SLC24A3: variants seen among roughly 807,000 people sequenced by gnomAD.
The protein encoded by SLC24A3 is sodium/potassium/calcium exchanger 3.
Under a neutral mutation model 75.8 loss-of-function variants are expected in SLC24A3, and 28 were observed. That is an observed-to-expected ratio of 0.37 (90% CI 0.27 to 0.51). The LOEUF is 0.51. SLC24A3 is among the 20% of genes least tolerant of loss of function. The pLI is 0.94. For missense variants in SLC24A3, 663 were observed against 847.8 expected (o/e 0.78, Z 2.71); for synonymous variants, 372 against 334.1 (o/e 1.11, Z -1.24).
At chr20:19,247,283 GT>G (rs1982522218) in intron 1 of SLC24A3, among the ~76,000 whole-genome samples, 1 of 152,122 alleles carries the variant, frequency 6.6e-6, no homozygotes, top group South Asian at 2.1e-4. Context: ...AGAATTCTGT[GT>G]GCAAATTATG....
chr20:19,312,414 A>G (rs1984479746), intron 2 of SLC24A3, among the ~76,000 whole-genome samples: 1 of 152,210 alleles, frequency 6.6e-6, no homozygotes. Context: ...TTGAAGAATC[A>G]TTTAAGAATG....
At chr20:19,703,754 T>C (rs767221364) in intron 15 of SLC24A3, among the ~76,000 whole-genome samples, 5 of 152,254 alleles carry the variant, frequency 3.3e-5, no homozygotes, top group Non-Finnish European at 7.3e-5. Context: ...TGACTAATAA[T>C]GTTAGATCAA....
intron 2 of SLC24A3, among the ~76,000 whole-genome samples, chr20:19,320,594 A>G (rs557875338): frequency 1.3e-5 from 2 of 152,230 alleles, no homozygotes; most frequent in Admixed American, 1.3e-4. Flanking sequence ...TGCATGTTAC[A>G]TTACGTTACA....
chr20:19,471,909 A>G (rs1987879804), intron 2 of SLC24A3, among the ~76,000 whole-genome samples: 1 of 152,232 alleles, frequency 6.6e-6, no homozygotes, highest in Non-Finnish European at 1.5e-5. Context: ...GAAAATATGA[A>G]AGTAATAGTC....
intron 9 of SLC24A3, among the ~76,000 whole-genome samples, chr20:19,675,041 C>G (rs2032508162): frequency 6.6e-6 from 1 of 152,148 alleles, no homozygotes; most frequent in Non-Finnish European, 1.5e-5. Context: ...GAGCGAGACT[C>G]CATCTCATTA....
At chr20:19,483,034 A>G (rs1338781661) in intron 2 of SLC24A3, among the ~76,000 whole-genome samples, 3 of 152,196 alleles carry the variant, frequency 2.0e-5, no homozygotes, top group Non-Finnish European at 1.5e-5. Flanking sequence ...GTGACAACAC[A>G]CTTTCTATCT....
chr20:19,393,570 C>T (rs547863421), intron 2 of SLC24A3, among the ~76,000 whole-genome samples: 35 of 152,032 alleles, frequency 2.3e-4, no homozygotes, highest in African/African-American at 8.2e-4. Context: ...AATGAATAAG[C>T]TGAAAATGAA....
chr20:19,335,153 C>A (rs1488977816), intron 2 of SLC24A3, among the ~76,000 whole-genome samples: 1 of 152,146 alleles, frequency 6.6e-6, no homozygotes, highest in Non-Finnish European at 1.5e-5. Context: ...CGGTTATTGG[C>A]TACCATCATG....
rs1034805492 is a variant in SLC24A3, at chr20:19,325,722, A to G, written c.271+44635A>G. Among the ~76,000 whole-genome samples, 77 of 61,528 alleles carry G rather than the reference A, an allele frequency of 1.3e-3. 2 individuals are homozygous for G. The highest frequency in any genetic ancestry group is 2.4e-3 in the Non-Finnish European group (69 of 28,478). 40.4% of individuals were successfully genotyped at this position (61,528 alleles called of 152,430 possible). The stretch of plus-strand genomic sequence containing the variant: ...GATTTTGGAATATTTGCAAATATGC[A>G]TATATATATATGTGTGTGTGTGTGT... On this transcript the variant is annotated intron_variant, in intron 2 of 16. Transcript: ENST00000328041.
Position 19,722,237 on chromosome 20 carries a change from C to T in SLC24A3, c.*1097C>T, listed in dbSNP as rs907128394. On this transcript the variant is annotated 3_prime_UTR_variant, in exon 17 of 17. Transcript: ENST00000328041. ...TTTGCACAGACGTCGTCAATTAAGT[C>T]CCAATTTGCCACTTGGTATTGAGTA... 1.3e-5 allele frequency: 2 copies of T among 152,666 alleles called. No homozygotes were observed. The highest frequency in any genetic ancestry group is 4.8e-5 in the African/African-American group (2 of 41,444). 9.5% of individuals were successfully genotyped at this position (152,666 alleles called of 1,614,324 possible).
At chr20:19,261,812 G>A (rs1032675650) in intron 1 of SLC24A3, 4 of 152,212 alleles carry the variant, frequency 2.6e-5, no homozygotes, top group Admixed American at 2.6e-4. Context: ...TGTTTCTCAT[G>A]ACAATGCTTA....
In SLC24A3 at chr20:19,676,154, G is replaced by A. The variant is rs573301187; in HGVS notation, c.767+2500G>A. Among the ~76,000 whole-genome samples, 18 of 152,344 alleles carry A rather than the reference G, an allele frequency of 1.2e-4. No individual in the cohort carries two copies. In the East Asian group the frequency reaches 3.3e-3, roughly 28 times the overall value. On this transcript the variant is annotated intron_variant, in intron 9 of 16. Transcript: ENST00000328041. Reference sequence around the variant, plus strand: ...CAAAAACAGATGTGGCCAGAGAGAAGAAGACTTGAGGAATTTTGCTGGCAT... The same window carrying A: ...CAAAAACAGATGTGGCCAGAGAGAAAAAGACTTGAGGAATTTTGCTGGCAT...
chr20:19,567,654 A>C (rs182987760), intron 3 of SLC24A3, among the ~76,000 whole-genome samples: 10 of 152,324 alleles, frequency 6.6e-5, no homozygotes, highest in Admixed American at 2.0e-4. Context: ...CCTGAAACCT[A>C]AAAGTTCAAA....
At chr20:19,573,325 A>G (rs183350432) in intron 3 of SLC24A3, among the ~76,000 whole-genome samples, 1 of 152,188 alleles carries the variant, frequency 6.6e-6, no homozygotes, top group Non-Finnish European at 1.5e-5. Flanking sequence ...CCATTTAACC[A>G]CTGTAGACAA....
At chr20:19,604,439 G>A (rs887366503) in intron 6 of SLC24A3, among the ~76,000 whole-genome samples, 15 of 152,218 alleles carry the variant, frequency 9.9e-5, no homozygotes, top group Admixed American at 2.6e-4. Flanking sequence ...AAAGAAGACC[G>A]CTGATGCTGG....
At chr20:19,452,629 C>T (rs1473651270) in intron 2 of SLC24A3, among the ~76,000 whole-genome samples, 2 of 151,882 alleles carry the variant, frequency 1.3e-5, no homozygotes, top group Non-Finnish European at 2.9e-5. Context: ...ATACAGGGGT[C>T]CTGGGTGAAT....
intron 15 of SLC24A3, among the ~76,000 whole-genome samples, chr20:19,709,762 T>C (rs1328617882): frequency 6.6e-6 from 1 of 152,130 alleles, no homozygotes; most frequent in Non-Finnish European, 1.5e-5. Flanking sequence ...AAAGTCCAAC[T>C]CTAAATGCAG....
chr20:19,493,388 G>C (rs894664593), intron 2 of SLC24A3, among the ~76,000 whole-genome samples: 1 of 152,112 alleles, frequency 6.6e-6, no homozygotes, highest in Non-Finnish European at 1.5e-5. Flanking sequence ...AGCAAACCGG[G>C]TGAACACTGT....
chr20:19,286,301 A>G (rs1174027086), intron 2 of SLC24A3, among the ~76,000 whole-genome samples: 1 of 152,168 alleles, frequency 6.6e-6, no homozygotes, highest in Non-Finnish European at 1.5e-5. Context: ...AGTCTATATG[A>G]GAGAAGCAAC....
Sources: allele counts gnomAD v4.1 joint callset (sites outside exome capture counted in the v4.1 genomes callset), GRCh38; gene constraint gnomAD v4.1.1; transcripts MANE v1.5; gene names NCBI Gene and HGNC (gene_info 2026-07-23, HGNC 2026-07-21).